DOCK5: variants seen among roughly 807,000 people sequenced by gnomAD.
DOCK5 encodes dedicator of cytokinesis protein 5.
Under a neutral mutation model 251.8 loss-of-function variants are expected in DOCK5, and 142 were observed. The ratio of observed to expected loss-of-function variants is 0.56; its 90% confidence interval spans 0.49 to 0.65. DOCK5 has a LOEUF of 0.65. Ranked by LOEUF, DOCK5 falls within the 30% of genes least tolerant of loss-of-function variation. The pLI, the probability that DOCK5 is intolerant of heterozygous loss-of-function variation, is 0.00. For missense variants in DOCK5, 2,111 were observed against 2,312.3 expected (o/e 0.91, Z 1.79); for synonymous variants, 842 against 835.5 (o/e 1.01, Z -0.13).
chr8:25,385,627 T>C (rs770406617), intron 40 of DOCK5, among the ~76,000 whole-genome samples: 2 of 152,170 alleles, frequency 1.3e-5, no homozygotes, highest in African/African-American at 2.4e-5. Flanking sequence ...GGCTCTAATA[T>C]AGGCATGGGA....
intron 1 of DOCK5, among the ~76,000 whole-genome samples, chr8:25,210,045 T>TATATATATATATATATATATATAAAA (rs1563309191): frequency 9.7e-5 from 2 of 20,646 alleles, no homozygotes; most frequent in African/African-American, 4.6e-4. Flanking sequence ...AATGTGTGTG[T>TATATATATATATATATATATATAAAA]GTGTGTGTGT....
chr8:25,202,656 C>T (rs767746566), intron 1 of DOCK5, among the ~76,000 whole-genome samples: 47 of 152,102 alleles, frequency 3.1e-4, no homozygotes, highest in East Asian at 1.9e-4. Flanking sequence ...CTTGAAACCA[C>T]GGATAGTACC....
intron 4 of DOCK5, among the ~76,000 whole-genome samples, chr8:25,276,472 G>A (rs1804044252): frequency 6.6e-6 from 1 of 152,060 alleles, no homozygotes; most frequent in Admixed American, 6.6e-5. Context: ...CTTAGGTGAT[G>A]GTGAGTCTCT....
intron 27 of DOCK5, among the ~76,000 whole-genome samples, chr8:25,352,514 A>C (rs144137143): frequency 1.3e-3 from 204 of 152,326 alleles, no homozygotes; most frequent in African/African-American, 4.6e-3. Context: ...TGAAAGGCTA[A>C]GTGGTGTCAT....
At chr8:25,303,373 T>C (rs1183907644) in intron 10 of DOCK5, among the ~76,000 whole-genome samples, 1 of 152,198 alleles carries the variant, frequency 6.6e-6, no homozygotes, top group Non-Finnish European at 1.5e-5. Context: ...TGGAATAAAA[T>C]ACTCGCTGGG....
Position 25,373,677 on chromosome 8 carries a change from C to G in DOCK5, c.3725+19C>G. 6.3e-7 allele frequency: 1 copy of G among 1,578,180 alleles called. No individual in the cohort carries two copies. Among genetic ancestry groups the G allele is most frequent in the Non-Finnish European group, 8.6e-7 (1 of 1,161,874 alleles). The stretch of plus-strand genomic sequence containing the variant: ...ACATAAGGTAAGCTGAAGGAAATTT[C>G]TTGCTTCTGCTGTTTATTTCATGGC... On this transcript the variant is annotated intron_variant, in intron 36 of 51. Transcript: ENST00000276440.
rs149776324 is a variant in DOCK5 at position 25,342,472 on chromosome 8, C to T, written c.2582C>T (p.Thr861Ile). The T allele has an allele frequency of 6.5e-4, 1,036 of 1,598,626 alleles. No homozygotes were observed. The highest frequency in any genetic ancestry group is 7.8e-4 in the Non-Finnish European group (919 of 1,171,492). ...GTTCGGCAGAAACTTAACTGCATGA[C>T]CAAGATAGTAGAGAGCACTCTTTTT... ...QLVRQKLNCMTKIVESTLFRQ... is the reference protein window; with the variant it reads ...QLVRQKLNCMIKIVESTLFRQ... Residue 861 changes from threonine (T) to isoleucine (I), a missense_variant, in exon 25 of 52, where the codon ACC becomes ATC. Coordinates refer to ENST00000276440, the MANE Select transcript of DOCK5 (RefSeq NM_024940.8).
intron 1 of DOCK5, among the ~76,000 whole-genome samples, chr8:25,195,621 C>T (rs1309535537): frequency 1.3e-5 from 2 of 152,200 alleles, no homozygotes; most frequent in Non-Finnish European, 2.9e-5. Flanking sequence ...ACTCCTCCCT[C>T]TTATGGAATG....
At chr8:25,310,355 T>A (rs1805055380) in intron 12 of DOCK5, 52 bp from the exon 13 acceptor site, 1 of 1,533,792 alleles carries the variant, frequency 6.5e-7, no homozygotes, top group Non-Finnish European at 8.8e-7. Context: ...GTTACGCATG[T>A]GTTTTATACA....
chr8:25,299,428 C>T (rs950194528), intron 8 of DOCK5: 8 of 236,386 alleles, frequency 3.4e-5, no homozygotes, highest in South Asian at 2.7e-4. Context: ...TTTAGAGCAA[C>T]GGCAGTATTC....
chr8:25,189,392 G>A (rs773530332), intron 1 of DOCK5, among the ~76,000 whole-genome samples: 1 of 151,804 alleles, frequency 6.6e-6, no homozygotes, highest in Non-Finnish European at 1.5e-5. Context: ...ACAGGGTCTC[G>A]TTCTGTAACC....
intron 3 of DOCK5, among the ~76,000 whole-genome samples, chr8:25,272,673 GT>G (rs1231344733): frequency 6.6e-6 from 1 of 152,038 alleles, no homozygotes; most frequent in Non-Finnish European, 1.5e-5. Context: ...TTTTTTATGA[GT>G]TTTGGACTTT....
chr8:25,373,727 C>T (rs1043965366), intron 36 of DOCK5, 69 bp downstream of exon 36: 24 of 1,432,516 alleles, frequency 1.7e-5, no homozygotes, highest in Non-Finnish European at 2.3e-5. Context: ...CTTCAGTAAA[C>T]AAATACTTTC....
At chr8:25,251,846 G>T (rs1247438594) in intron 2 of DOCK5, among the ~76,000 whole-genome samples, 1 of 152,028 alleles carries the variant, frequency 6.6e-6, no homozygotes, top group Non-Finnish European at 1.5e-5. Context: ...AAAATTAGCC[G>T]GGCATGGTGG....
At chr8:25,379,672 G>A (rs1032875129) in intron 38 of DOCK5, among the ~76,000 whole-genome samples, 55 of 152,116 alleles carry the variant, frequency 3.6e-4, no homozygotes, top group Non-Finnish European at 4.7e-4. Context: ...TAAGACAGGC[G>A]TAAGAAATTA....
At chr8:25,236,154 C>T (rs2117530467) in intron 1 of DOCK5, among the ~76,000 whole-genome samples, 2 of 152,238 alleles carry the variant, frequency 1.3e-5, no homozygotes, top group Middle Eastern at 6.8e-3. Context: ...CTCTCTTCTC[C>T]TAAACTATCT....
chr8:25,323,384 AT>A (rs1805476789), intron 16 of DOCK5, among the ~76,000 whole-genome samples: 1 of 152,194 alleles, frequency 6.6e-6, no homozygotes, highest in South Asian at 2.1e-4. Context: ...ACATGATTGG[AT>A]TGGACTTTGG....
chr8:25,319,958 T>C (rs1805379747), intron 15 of DOCK5, among the ~76,000 whole-genome samples: 1 of 152,222 alleles, frequency 6.6e-6, no homozygotes, highest in South Asian at 2.1e-4. Context: ...ATTTTCACAC[T>C]GTGCAAACAG....
At chr8:25,311,070 GA>G (rs556320089) in intron 13 of DOCK5, among the ~76,000 whole-genome samples, 115 of 152,150 alleles carry the variant, frequency 7.6e-4, no homozygotes, top group Non-Finnish European at 1.4e-3. Context: ...GTTGTGACAA[GA>G]ATGTCAGCAT....
Sources: gnomAD v4.1 joint callset for allele counts (sites outside exome capture counted in the v4.1 genomes callset) on GRCh38, gnomAD v4.1.1 for gene constraint, MANE v1.5 for transcripts, NCBI Gene and HGNC (gene_info 2026-07-23, HGNC 2026-07-21) for gene names.